Variants in BARD1 observed in about 807,000 individuals in gnomAD.
The protein encoded by BARD1 is BRCA1 associated RING domain 1, also known as BRCA1-associated RING domain protein 1.
BARD1 carries 73 observed loss-of-function variants against 77.0 expected under a neutral mutation model. The observed-to-expected ratio is 0.95, with a 90% CI of 0.79 to 1.15. The LOEUF (loss-of-function observed/expected upper bound fraction) is 1.15. Ranked by LOEUF, BARD1 falls within the 50% of genes most tolerant of loss-of-function variation. The probability of loss-of-function intolerance (pLI) is 0.00; values close to 1 mark genes in which losing one functional copy is unlikely to be tolerated. For missense variants in BARD1, 993 were observed against 938.8 expected (o/e 1.06, Z -0.75); for synonymous variants, 384 against 338.0 (o/e 1.14, Z -1.49).
At position 214,777,592 on chromosome 2, in the gene BARD1, A is replaced by G. The variant is rs79501131; in HGVS notation, c.1314+2968T>C. Among the ~76,000 whole-genome samples, 226 of 152,352 alleles carry G rather than the reference A, an allele frequency of 1.5e-3. 1 individual carries two copies. The highest frequency in any genetic ancestry group is 5.3e-3 in the African/African-American group (219 of 41,598). On this transcript the variant is annotated intron_variant, in intron 4 of 10. Coordinates refer to ENST00000260947, the MANE Select transcript of BARD1 (RefSeq NM_000465.4). The stretch of plus-strand genomic sequence containing the variant: ...TTTCTGAAGTAGGTGGGTACAAAAC[A>G]TAAATAATCACCACCAAAAAAGATG...
rs1553612540 is a variant in BARD1, at chr2:214,730,503, T to C, written c.1909A>G (p.Lys637Glu). ...CATACTTTTCTTCGTAGACATGCTT[T>C]TACCCCTGACAAAAACACAAGAATT... is the stretch of plus-strand genomic sequence containing the variant. ...GCWILKFEWV[K>E]ACLRRKVCEQ... The change falls in exon 10 of 11, where the codon AAA becomes GAA. Residue 637 changes from lysine (K) to glutamate (E), a missense_variant. Physicochemically the swap from Lys to Glu is moderately conservative, Grantham distance 56 (BLOSUM62 1). Transcript: ENST00000260947. 3.1e-6 allele frequency: 5 copies of C among 1,613,762 alleles called. No homozygotes were observed. Among genetic ancestry groups the C allele is most frequent in the Non-Finnish European group, 3.4e-6 (4 of 1,179,778 alleles).
intron 9 of BARD1, among the ~76,000 whole-genome samples, chr2:214,733,357 C>T (rs1280772832): frequency 2.0e-5 from 3 of 152,184 alleles, no homozygotes; most frequent in Non-Finnish European, 4.4e-5. Context: ...GTTTCATATA[C>T]GCTTTATACA....
At chr2:214,757,828 T>C (rs554835074) in intron 6 of BARD1, among the ~76,000 whole-genome samples, 14 of 151,860 alleles carry the variant, frequency 9.2e-5, no homozygotes, top group Non-Finnish European at 1.6e-4. Flanking sequence ...CCTGAAAGGG[T>C]AAGGAAGAAA....
intron 6 of BARD1, among the ~76,000 whole-genome samples, chr2:214,758,421 A>T (rs534677863): frequency 6.6e-6 from 1 of 152,356 alleles, no homozygotes; most frequent in African/African-American, 2.4e-5. Context: ...GAAGACAGAT[A>T]CAGAATGAAG....
Position 214,802,747 on chromosome 2 carries a change from TTAGA to T in BARD1, c.159-5634_159-5631del, listed in dbSNP as rs567815416. Among the ~76,000 whole-genome samples, 424 of 152,308 alleles carry T rather than the reference TTAGA, an allele frequency of 2.8e-3. 3 individuals are homozygous for T. The highest frequency in any genetic ancestry group is 9.2e-3 in the African/African-American group (381 of 41,562). Reference sequence around the variant, plus strand: ...ATTTTCTGTTTGATATACATATATATTAGATAGAAAAAATCCAAACAAATAAGAG... The same window carrying T: ...ATTTTCTGTTTGATATACATATATATTAGAAAAAATCCAAACAAATAAGAG... On this transcript the variant is annotated intron_variant, in intron 1 of 10. Coordinates refer to ENST00000260947, the MANE Select transcript of BARD1 (RefSeq NM_000465.4).
At chr2:214,778,128 G>A (rs1013241212) in intron 4 of BARD1, among the ~76,000 whole-genome samples, 1 of 151,996 alleles carries the variant, frequency 6.6e-6, no homozygotes, top group Admixed American at 6.6e-5. Flanking sequence ...CCCAGGAGGC[G>A]GAGGTTGCAG....
chr2:214,805,968 A>C (rs1336523247), intron 1 of BARD1, among the ~76,000 whole-genome samples: 1 of 152,086 alleles, frequency 6.6e-6, no homozygotes, highest in Non-Finnish European at 1.5e-5. Context: ...TCCTATTACC[A>C]TTTCCTGCTT....
At chr2:214,806,280 G>C (rs1323762947) in intron 1 of BARD1, among the ~76,000 whole-genome samples, 1 of 152,138 alleles carries the variant, frequency 6.6e-6, no homozygotes, top group African/African-American at 2.4e-5. Context: ...TGAATGTGAG[G>C]GTAATCGGGG....
intron 9 of BARD1, among the ~76,000 whole-genome samples, chr2:214,742,453 T>C (rs866209467): frequency 2.0e-5 from 3 of 152,200 alleles, no homozygotes; most frequent in South Asian, 2.1e-4. Flanking sequence ...ACCCAGTGAC[T>C]ATTTAAAGGA....
At chr2:214,807,968 A>C (rs1696352775) in intron 1 of BARD1, among the ~76,000 whole-genome samples, 2 of 152,252 alleles carry the variant, frequency 1.3e-5, no homozygotes, top group South Asian at 4.1e-4. Flanking sequence ...CAGGAAAACA[A>C]ACACACAACT....
At chr2:214,797,237 T>TTAA (rs1695801337) in intron 1 of BARD1, 120 bp from the exon 2 acceptor site, 6 of 828,352 alleles carry the variant, frequency 7.2e-6, no homozygotes, top group Admixed American at 3.5e-5. Flanking sequence ...GCAGAAGGTA[T>TTAA]TAAGGATGCA....
chr2:214,781,653 C>T lies in BARD1; in HGVS notation c.365-144G>A, dbSNP rs1464236404. ...TTTCTCAGCTCCTAGAGTGTGAACT[C>T]TTTGATAGCAGATATTCACTCATTC... On this transcript the variant is annotated intron_variant, in intron 3 of 10. Coordinates refer to ENST00000260947, the MANE Select transcript of BARD1 (RefSeq NM_000465.4). 3 of 664,100 alleles carry T rather than the reference C, an allele frequency of 4.5e-6. No individual in the cohort carries two copies. In the African/African-American group the frequency reaches 5.5e-5, roughly 12 times the overall value. 41.1% of individuals were successfully genotyped at this position (664,100 alleles called of 1,614,324 possible).
At chr2:214,733,598 T>C (rs965946446) in intron 9 of BARD1, among the ~76,000 whole-genome samples, 1 of 152,148 alleles carries the variant, frequency 6.6e-6, no homozygotes, top group Non-Finnish European at 1.5e-5. Flanking sequence ...AGAAGAAAAT[T>C]CCTGCTGTTT....
At chr2:214,754,296 T>G (rs1693594724) in intron 6 of BARD1, among the ~76,000 whole-genome samples, 1 of 151,484 alleles carries the variant, frequency 6.6e-6, no homozygotes, top group South Asian at 2.1e-4. Flanking sequence ...TAGCCATGAT[T>G]GCACCATGGT....
chr2:214,792,223 A>G, intron 3 of BARD1, 74 bp downstream of exon 3: 1 of 1,396,912 alleles, frequency 7.2e-7, no homozygotes, highest in Non-Finnish European at 1.0e-6. Flanking sequence ...TAGATGTTTT[A>G]TATACTTTAT....
intron 6 of BARD1, among the ~76,000 whole-genome samples, chr2:214,764,788 A>G (rs1694119174): frequency 6.6e-6 from 1 of 152,206 alleles, no homozygotes; most frequent in South Asian, 2.1e-4. Context: ...AAGGAGGAGA[A>G]CAGTCAGGAA....
At position 214,781,459 on chromosome 2, in the gene BARD1, T is replaced by C. The variant is rs587782395; in HGVS notation, c.415A>G (p.Lys139Glu). 5.0e-6 allele frequency: 8 copies of C among 1,612,968 alleles called. No homozygotes were observed. The highest frequency in any genetic ancestry group is 3.3e-5 in the Admixed American group (2 of 59,888). ...AACCACATTTTAATTGAATTCTTCTTGTTTCCTGCATCATTAAACAAACTT... is the reference window on the plus strand; with the variant it reads ...AACCACATTTTAATTGAATTCTTCTCGTTTCCTGCATCATTAAACAAACTT... ...RKSLFNDAGN[K>E]KNSIKMWFSP... Residue 139 changes from lysine (K) to glutamate (E), a missense_variant, in exon 4 of 11, where the codon AAG (lysine) becomes GAG (glutamate). Coordinates refer to ENST00000260947, the MANE Select transcript of BARD1 (RefSeq NM_000465.4).
At chr2:214,802,297 T>C (rs1305036955) in intron 1 of BARD1, among the ~76,000 whole-genome samples, 1 of 152,210 alleles carries the variant, frequency 6.6e-6, no homozygotes, top group East Asian at 1.9e-4. Flanking sequence ...TTAAACACTT[T>C]ATTATAAAAT....
intron 2 of BARD1, among the ~76,000 whole-genome samples, chr2:214,796,593 A>T (rs1224726077): frequency 6.6e-6 from 1 of 152,188 alleles, no homozygotes; most frequent in African/African-American, 2.4e-5. Context: ...CAACCCTGTC[A>T]TCATCTTGAT....
Sources: gnomAD v4.1 joint callset for allele counts (sites outside exome capture counted in the v4.1 genomes callset) on GRCh38, gnomAD v4.1.1 for gene constraint, MANE v1.5 for transcripts, NCBI Gene and HGNC (gene_info 2026-07-23, HGNC 2026-07-21) for gene names.